Variants in PCDHA7 observed in about 807,000 individuals in gnomAD.
PCDHA7 encodes the protein protocadherin alpha-7.
A neutral mutation model predicts 57.2 loss-of-function variants in PCDHA7; 37 were observed. The ratio of observed to expected loss-of-function variants is 0.65; its 90% CI spans 0.50 to 0.85. The LOEUF is 0.85. Ranked by LOEUF, PCDHA7 falls within the 40% of genes least tolerant of loss-of-function variation. The pLI, the probability that PCDHA7 is intolerant of heterozygous loss-of-function variation, is 0.00. For synonymous variants in PCDHA7, 553 were observed against 558.8 expected (o/e 0.99, Z 0.15); for missense variants, 1,188 against 1,241.8 (o/e 0.96, Z 0.65).
intron 1 of PCDHA7, chr5:140,852,195 C>A: frequency 2.8e-6 from 2 of 709,280 alleles, no homozygotes; most frequent in African/African-American, 1.9e-5. Context: ...ATGCCAGTAA[C>A]GTTTATTTAA....
At chr5:140,871,677 T>C in intron 1 of PCDHA7, 1 of 1,122,130 alleles carries the variant, frequency 8.9e-7, no homozygotes, top group Non-Finnish European at 1.2e-6. Flanking sequence ...TTTAATCATA[T>C]GAATAATCTG....
chr5:140,928,757 G>T (rs372744198), intron 1 of PCDHA7: 1 of 1,614,092 alleles, frequency 6.2e-7, no homozygotes, highest in African/African-American at 1.3e-5. Context: ...CGTACTGCTC[G>T]CTTAGTTCTT....
chr5:140,941,286 CTCTT>C (rs5871754), intron 1 of PCDHA7, among the ~76,000 whole-genome samples: 36,780 of 106,460 alleles, frequency 0.35, 6,423 homozygotes, highest in East Asian at 0.56. Flanking sequence ...TCCTTCCTTT[CTCTT>C]TCTTTCTTTC....
chr5:140,846,941 G>T (rs1422705277), intron 1 of PCDHA7, among the ~76,000 whole-genome samples: 2 of 149,652 alleles, frequency 1.3e-5, no homozygotes, highest in Admixed American at 1.3e-4. Flanking sequence ...AGAAATACTT[G>T]AAGGGGCATG....
intron 1 of PCDHA7, chr5:140,870,719 C>A (rs782257127): frequency 1.9e-6 from 3 of 1,613,084 alleles, no homozygotes; most frequent in Admixed American, 3.3e-5. Flanking sequence ...GCGCGCGATG[C>A]GGGCGTGCCG....
intron 1 of PCDHA7, among the ~76,000 whole-genome samples, chr5:140,963,002 A>G (rs921334790): frequency 7.2e-5 from 11 of 152,242 alleles, no homozygotes; most frequent in African/African-American, 2.2e-4. Flanking sequence ...TACTAAAAAT[A>G]AGATCTGAAG....
chr5:140,913,821 A>G (rs2153527973), intron 1 of PCDHA7, among the ~76,000 whole-genome samples: 1 of 152,122 alleles, frequency 6.6e-6, no homozygotes, highest in East Asian at 1.9e-4. Context: ...TTCCTTTTAA[A>G]TTTCTTTATT....
At chr5:140,875,538 A>C in intron 1 of PCDHA7, 17 of 1,614,126 alleles carry the variant, frequency 1.1e-5, no homozygotes, top group Non-Finnish European at 1.4e-5. Context: ...TGCTCCTTGC[A>C]GCCTGGGAGG....
chr5:140,883,475 AACT>A, intron 1 of PCDHA7: 1 of 1,614,106 alleles, frequency 6.2e-7, no homozygotes. Context: ...CACCTACAAG[AACT>A]ACTACTCATT....
chr5:140,869,316 T>C (rs782789227), intron 1 of PCDHA7: 22 of 1,613,628 alleles, frequency 1.4e-5, no homozygotes, highest in South Asian at 4.4e-5. Flanking sequence ...CCAAAACACA[T>C]GGGGACCTTC....
intron 1 of PCDHA7, chr5:140,855,742 T>C (rs1239874184): frequency 3.2e-6 from 1 of 313,712 alleles, no homozygotes; most frequent in Admixed American, 4.7e-5. Flanking sequence ...AGAGACGTAA[T>C]GTGAGGCTTT....
chr5:141,004,880 G>A (rs940142127), intron 3 of PCDHA7, among the ~76,000 whole-genome samples: 2 of 152,172 alleles, frequency 1.3e-5, no homozygotes, highest in Admixed American at 6.5e-5. Context: ...TCCCTAAAGT[G>A]CTATTGTGTC....
In PCDHA7 at chr5:140,850,584, A is replaced by G. The variant is rs1484372356; in HGVS notation, c.2355+13846A>G. On this transcript the variant is annotated intron_variant, in intron 1 of 3. Transcript: ENST00000525929. Reference sequence around the variant, plus strand: ...CCCCGAGGTGACGCTGGTGGATGTCAACGTGTACCTGATCATCGCCATCTG... The same window carrying G: ...CCCCGAGGTGACGCTGGTGGATGTCGACGTGTACCTGATCATCGCCATCTG... The G allele has an allele frequency of 2.5e-6, 4 of 1,598,362 alleles. 1 individual carries two copies. The highest frequency in any genetic ancestry group is 3.4e-6 in the Non-Finnish European group (4 of 1,167,826).
intron 1 of PCDHA7, 79 bp from the exon 2 acceptor site, chr5:140,978,870 G>T: frequency 6.2e-7 from 1 of 1,606,988 alleles, no homozygotes; most frequent in Non-Finnish European, 8.5e-7. Context: ...ATTTAAGGGA[G>T]TAACTAATCA....
At chr5:140,856,729 G>A (rs1554149028) in intron 1 of PCDHA7, 1 of 1,595,444 alleles carries the variant, frequency 6.3e-7, no homozygotes, top group African/African-American at 1.3e-5. Flanking sequence ...CTGTTTCTCT[G>A]CTGATCCTGG....
intron 1 of PCDHA7, among the ~76,000 whole-genome samples, chr5:140,902,906 G>T (rs1047423029): frequency 9.2e-5 from 14 of 152,162 alleles, no homozygotes; most frequent in Admixed American, 3.3e-4. Context: ...TTAGTTTATG[G>T]CTGAGTAGTA....
rs182447320 is a variant in PCDHA7, at chr5:140,868,739, C to A, written c.2355+32001C>A. 921 of 204,056 alleles carry A rather than the reference C, an allele frequency of 4.5e-3. 4 individuals carry two copies. The highest frequency in any genetic ancestry group is 0.012 in the Middle Eastern group (6 of 494). The allele number at this position is 204,056 out of a possible 1,614,324, so 12.6% of individuals were successfully genotyped here. ...TAAATTTGATGTTAATCGAGAAATACAATGCCATTTCCATATATATTTAGT... is the reference window on the plus strand; with the variant it reads ...TAAATTTGATGTTAATCGAGAAATAAAATGCCATTTCCATATATATTTAGT... On this transcript the variant is annotated intron_variant, in intron 1 of 3. Transcript: ENST00000525929.
chr5:140,850,812 A>C, intron 1 of PCDHA7: 1 of 1,598,316 alleles, frequency 6.3e-7, no homozygotes, highest in Non-Finnish European at 8.6e-7. Flanking sequence ...CATGGCCTTC[A>C]GCCCGGGCCT....
chr5:140,875,603 T>C (rs2055641899), intron 1 of PCDHA7: 1 of 1,613,724 alleles, frequency 6.2e-7, no homozygotes, highest in Admixed American at 1.7e-5. Context: ...CACGGCACCT[T>C]CGTGGGCCGC....
Sources: gnomAD v4.1 joint callset for allele counts (sites outside exome capture counted in the v4.1 genomes callset) on GRCh38, gnomAD v4.1.1 for gene constraint, MANE v1.5 for transcripts, NCBI Gene and HGNC (gene_info 2026-07-23, HGNC 2026-07-21) for gene names.